The following DIAPH2 variants were observed in gnomAD, a reference collection of about 807,000 sequenced individuals.
The protein encoded by DIAPH2 is diaphanous related formin 2, also known as protein diaphanous homolog 2.
Under a neutral mutation model 92.7 loss-of-function variants are expected in DIAPH2, and 35 were observed. The ratio of observed to expected loss-of-function variants is 0.38; its 90% CI spans 0.29 to 0.50. The LOEUF is 0.50. Ranked by LOEUF, DIAPH2 falls within the 20% of genes least tolerant of loss-of-function variation. The pLI is 0.94. For synonymous variants in DIAPH2, 301 were observed against 280.4 expected (o/e 1.07, Z -0.73); for missense variants, 701 against 819.5 (o/e 0.86, Z 1.77).
intron 5 of DIAPH2, among the ~76,000 whole-genome samples, chrX:96,887,790 A>C (rs1469421475): frequency 8.9e-6 from 1 of 111,922 alleles, no homozygotes; most frequent in Non-Finnish European, 1.9e-5. Flanking sequence ...ACCTTTATTG[A>C]GTTCCTACTA....
rs761298794 is a variant in DIAPH2, at chrX:96,803,209, A to T, written c.447+44951A>T. Among the ~76,000 whole-genome samples the T allele has an allele frequency of 3.6e-5, 4 of 111,604 alleles. No individual in the cohort carries two copies. The South Asian group carries it at 1.5e-3, about 43-fold the overall frequency. On this transcript the variant is annotated intron_variant, in intron 4 of 26. Transcript: ENST00000324765. Reference sequence around the variant, plus strand: ...AAGCTGACACTCAATATTAACCATCATAATGGTAGATTAATTTACACCCCT... The same window carrying T: ...AAGCTGACACTCAATATTAACCATCTTAATGGTAGATTAATTTACACCCCT...
At chrX:97,547,035 A>G (rs1470009273) in intron 26 of DIAPH2, among the ~76,000 whole-genome samples, 1 of 111,985 alleles carries the variant, frequency 8.9e-6, no homozygotes, top group Non-Finnish European at 1.9e-5. Context: ...ATGCAACTCC[A>G]AATTATTCTT....
At chrX:97,344,186 C>T (rs770817705) in intron 23 of DIAPH2, among the ~76,000 whole-genome samples, 2 of 111,646 alleles carry the variant, frequency 1.8e-5, no homozygotes, top group African/African-American at 6.5e-5. Context: ...TTCTATCGAC[C>T]ACAATGCTTA....
chrX:97,282,456 C>A (rs2068506468), intron 23 of DIAPH2, among the ~76,000 whole-genome samples: 1 of 110,560 alleles, frequency 9.0e-6, no homozygotes, highest in Non-Finnish European at 1.9e-5. Context: ...ATTACAGGCA[C>A]CTGCCACCAC....
chrX:96,923,485 A>G (rs1222773560), intron 9 of DIAPH2, among the ~76,000 whole-genome samples: 1 of 112,409 alleles, frequency 8.9e-6, no homozygotes, highest in African/African-American at 3.2e-5. Context: ...AAATGTCACC[A>G]GATCTATCAA....
At chrX:96,711,366 G>C (rs983874984) in intron 1 of DIAPH2, among the ~76,000 whole-genome samples, 6 of 111,668 alleles carry the variant, frequency 5.4e-5, no homozygotes, top group African/African-American at 2.0e-4. Flanking sequence ...TTAGATTATG[G>C]CCATTCTTGC....
At chrX:97,193,222 C>T (rs1213885957) in intron 22 of DIAPH2, among the ~76,000 whole-genome samples, 6 of 109,610 alleles carry the variant, frequency 5.5e-5, no homozygotes, top group African/African-American at 2.0e-4. Context: ...CCATGTTGGC[C>T]AGGCTGGCCT....
chrX:97,163,438 C>A (rs2067389437), intron 22 of DIAPH2, among the ~76,000 whole-genome samples: 2 of 111,777 alleles, frequency 1.8e-5, no homozygotes, highest in African/African-American at 6.5e-5. Flanking sequence ...AAACTGCCCA[C>A]CTTGTCCTCC....
At chrX:97,465,339 A>G (rs1029782764) in intron 26 of DIAPH2, among the ~76,000 whole-genome samples, 7 of 111,426 alleles carry the variant, frequency 6.3e-5, no homozygotes, top group East Asian at 5.6e-4. Context: ...TTGTCCTTTC[A>G]TATCCGTAGA....
chrX:97,565,938 T>C (rs1301691449), intron 26 of DIAPH2, among the ~76,000 whole-genome samples: 1 of 112,269 alleles, frequency 8.9e-6, no homozygotes, highest in Non-Finnish European at 1.9e-5. Flanking sequence ...TCGTTAGGTA[T>C]TTACTGCAGG....
At chrX:96,748,219 T>C (rs1201246824) in intron 3 of DIAPH2, among the ~76,000 whole-genome samples, 1 of 112,334 alleles carries the variant, frequency 8.9e-6, no homozygotes, top group Non-Finnish European at 1.9e-5. Context: ...AGTATTTATT[T>C]GCATGAGTGT....
intron 3 of DIAPH2, among the ~76,000 whole-genome samples, chrX:96,750,735 T>TCCAA (rs1345273135): frequency 8.9e-6 from 1 of 112,906 alleles, no homozygotes; most frequent in African/African-American, 3.2e-5. Flanking sequence ...AAAGGTTATA[T>TCCAA]TTTTATCCAA....
At chrX:97,139,597 T>G (rs1287199891) in intron 21 of DIAPH2, among the ~76,000 whole-genome samples, 1 of 110,691 alleles carries the variant, frequency 9.0e-6, no homozygotes, top group Non-Finnish European at 1.9e-5. Context: ...AAGAAATACA[T>G]GCATAGTCTG....
chrX:97,527,480 T>C (rs2071032151), intron 26 of DIAPH2, among the ~76,000 whole-genome samples: 1 of 111,999 alleles, frequency 8.9e-6, no homozygotes, highest in Admixed American at 9.5e-5. Context: ...GGGCATATTA[T>C]TGTTTGAATC....
chrX:97,122,917 G>T (rs1188004530), intron 21 of DIAPH2, among the ~76,000 whole-genome samples: 1 of 111,488 alleles, frequency 9.0e-6, no homozygotes, highest in African/African-American at 3.3e-5. Context: ...CAAATGCAAA[G>T]GAACATATTC....
intron 5 of DIAPH2, among the ~76,000 whole-genome samples, chrX:96,903,317 A>T (rs931785672): frequency 1.8e-5 from 2 of 111,620 alleles, no homozygotes; most frequent in African/African-American, 6.5e-5. Flanking sequence ...GCTCTGTTTC[A>T]TTTGCAGGGC....
At chrX:97,034,659 C>A (rs1420803541) in intron 17 of DIAPH2, among the ~76,000 whole-genome samples, 1 of 111,136 alleles carries the variant, frequency 9.0e-6, no homozygotes, top group Non-Finnish European at 1.9e-5. Context: ...TTTAACATAA[C>A]CTCCTCTTTT....
At chrX:96,868,054 G>A (rs960786155) in intron 4 of DIAPH2, among the ~76,000 whole-genome samples, 3 of 111,504 alleles carry the variant, frequency 2.7e-5, no homozygotes, top group African/African-American at 9.8e-5. Context: ...ACTACAGTGC[G>A]GGCACTTTTG....
intron 17 of DIAPH2, among the ~76,000 whole-genome samples, chrX:96,967,797 T>C (rs938608458): frequency 9.0e-6 from 1 of 111,694 alleles, no homozygotes; most frequent in Non-Finnish European, 1.9e-5. Context: ...CAGTCCATTG[T>C]TGATGGGCAC....
Sources: gnomAD v4.1 joint callset for allele counts (sites outside exome capture counted in the v4.1 genomes callset) on GRCh38, gnomAD v4.1.1 for gene constraint, MANE v1.5 for transcripts, NCBI Gene and HGNC (gene_info 2026-07-23, HGNC 2026-07-21) for gene names.